Variants in ZNF385D observed in about 807,000 individuals in gnomAD.
ZNF385D encodes zinc finger protein 659.
A neutral mutation model predicts 35.8 loss-of-function variants in ZNF385D; 15 were observed. The observed-to-expected ratio is 0.42, with a 90% CI of 0.28 to 0.64. The LOEUF is 0.64. Ranked by LOEUF, ZNF385D falls within the 30% of genes least tolerant of loss-of-function variation. The pLI is 0.23. For synonymous variants in ZNF385D, 212 were observed against 186.8 expected, an observed-to-expected ratio of 1.13 and a Z score of -1.10; for missense variants, 474 against 494.6, an observed-to-expected ratio of 0.96 and a Z score of 0.39.
intron 3 of ZNF385D, among the ~76,000 whole-genome samples, chr3:21,826,548 C>CT (rs1423775749): frequency 3.3e-5 from 5 of 152,062 alleles, no homozygotes; most frequent in Admixed American, 6.6e-5. Flanking sequence ...AAAGTCATTC[C>CT]TTTTTTTAGA....
chr3:21,436,858 A>G, intron 5 of ZNF385D, 112 bp downstream of exon 5: 1 of 978,052 alleles, frequency 1.0e-6, no homozygotes, highest in South Asian at 1.7e-5. Context: ...TTTCCATGTA[A>G]TAATTGCCAG....
At chr3:22,260,369 G>C (rs1037995561) in intron 2 of ZNF385D, among the ~76,000 whole-genome samples, 6 of 151,916 alleles carry the variant, frequency 3.9e-5, no homozygotes, top group Non-Finnish European at 7.4e-5. Context: ...CAAGGGGAGG[G>C]AGAGCATTAG....
chr3:21,857,165 G>GGA (rs1696764567), intron 3 of ZNF385D, among the ~76,000 whole-genome samples: 1 of 151,994 alleles, frequency 6.6e-6, no homozygotes, highest in East Asian at 1.9e-4. Flanking sequence ...TCACTCTACA[G>GGA]CCCTATCAAA....
chr3:22,328,827 G>A (rs1258502473), intron 2 of ZNF385D, among the ~76,000 whole-genome samples: 2 of 151,630 alleles, frequency 1.3e-5, no homozygotes, highest in African/African-American at 4.8e-5. Context: ...TGTAATCCCA[G>A]CACTTTGGGA....
chr3:21,774,446 A>AAAAAC (rs1173707569), intron 3 of ZNF385D, among the ~76,000 whole-genome samples: 1 of 151,930 alleles, frequency 6.6e-6, no homozygotes, highest in African/African-American at 2.4e-5. Context: ...AGTTGGAATC[A>AAAAAC]AAAACAAAAC....
At chr3:22,372,393 G>A (rs1169770327) in intron 2 of ZNF385D, 2 of 964,134 alleles carry the variant, frequency 2.1e-6, no homozygotes, top group Non-Finnish European at 2.5e-6. Flanking sequence ...TCCTTGCCCG[G>A]CGCCCCAACG....
intron 3 of ZNF385D, among the ~76,000 whole-genome samples, chr3:22,131,869 A>T (rs2201140): frequency 0.04 from 6,073 of 152,112 alleles, 399 homozygotes; most frequent in African/African-American, 0.14. Context: ...TAAGTCAGGG[A>T]AACATAATAT....
At chr3:21,535,862 C>T (rs2062023533) in intron 3 of ZNF385D, among the ~76,000 whole-genome samples, 3 of 151,972 alleles carry the variant, frequency 2.0e-5, no homozygotes, top group Admixed American at 6.6e-5. Context: ...TCCTCTGATA[C>T]CATCCCATCG....
chr3:21,770,644 C>A (rs1343658828), intron 3 of ZNF385D, among the ~76,000 whole-genome samples: 5 of 152,166 alleles, frequency 3.3e-5, no homozygotes, highest in African/African-American at 1.2e-4. Flanking sequence ...GTTGGTGGGA[C>A]TGTAAACTAG....
chr3:21,969,280 C>G (rs772803691), intron 3 of ZNF385D, among the ~76,000 whole-genome samples: 1 of 152,056 alleles, frequency 6.6e-6, no homozygotes, highest in Admixed American at 6.5e-5. Context: ...ATAATCCCCA[C>G]GTGTTAAGGG....
chr3:22,120,515 G>A (rs1464272755), intron 3 of ZNF385D, among the ~76,000 whole-genome samples: 1 of 152,000 alleles, frequency 6.6e-6, no homozygotes, highest in African/African-American at 2.4e-5. Flanking sequence ...TATCTACTTG[G>A]AAGAGACACA....
chr3:21,497,812 G>T (rs1706026255), intron 4 of ZNF385D, among the ~76,000 whole-genome samples: 1 of 152,114 alleles, frequency 6.6e-6, no homozygotes, highest in Admixed American at 6.5e-5. Flanking sequence ...TCATGCCACT[G>T]CACTCCAGCT....
chr3:22,008,372 T>TTTTTTTTTTTGG (rs1696352106), intron 3 of ZNF385D, among the ~76,000 whole-genome samples: 1 of 150,560 alleles, frequency 6.6e-6, no homozygotes, highest in African/African-American at 2.5e-5. Flanking sequence ...TTTTTTTTTT[T>TTTTTTTTTTTGG]GAGGCGGAGT....
At chr3:21,865,617 G>A (rs1697304885) in intron 3 of ZNF385D, among the ~76,000 whole-genome samples, 1 of 152,026 alleles carries the variant, frequency 6.6e-6, no homozygotes, top group South Asian at 2.1e-4. Context: ...AACTTGCTTT[G>A]GGAGAGCAGA....
intron 3 of ZNF385D, among the ~76,000 whole-genome samples, chr3:21,524,300 T>C (rs1421037817): frequency 6.6e-6 from 1 of 152,150 alleles, no homozygotes; most frequent in East Asian, 1.9e-4. Flanking sequence ...CACTGGGAAA[T>C]GTCATTTGAA....
chr3:21,664,211 C>T (rs947835470), intron 2 of ZNF385D, among the ~76,000 whole-genome samples: 2 of 151,460 alleles, frequency 1.3e-5, no homozygotes, highest in Non-Finnish European at 2.9e-5. Flanking sequence ...AAGAAACACA[C>T]GATGGTGAAA....
chr3:21,750,952 A>C lies in ZNF385D; in HGVS notation c.-36T>G. On this transcript the variant is annotated 5_prime_UTR_variant, in exon 1 of 8. Transcript: ENST00000281523. ...GCTGGAATCCCACCGCGGTGTCTTCAGCATCAGCTCTCACCCAAGGCTGGC... is the reference window on the plus strand; with the variant it reads ...GCTGGAATCCCACCGCGGTGTCTTCCGCATCAGCTCTCACCCAAGGCTGGC... 1 of 1,614,012 alleles carries C rather than the reference A, an allele frequency of 6.2e-7. No individual in the cohort carries two copies. Among genetic ancestry groups the C allele is most frequent in the Non-Finnish European group, 8.5e-7 (1 of 1,179,996 alleles).
intron 3 of ZNF385D, among the ~76,000 whole-genome samples, chr3:21,988,868 G>C (rs184766227): frequency 6.6e-6 from 1 of 152,210 alleles, no homozygotes; most frequent in African/African-American, 2.4e-5. Context: ...ATATACTCTC[G>C]TGGTGCGCCG....
rs369520907 is a variant in ZNF385D, at chr3:22,137,119, G to C, written c.325+31698C>G. On this transcript the variant is annotated intron_variant, in intron 3 of 5. Coordinates refer to the ZNF385D transcript ENST00000494108. ...ACTATTACCTAAACTAATATTTGGGGAGCTGCGGTATATAAGATCTTTCTG... is the reference window on the plus strand; with the variant it reads ...ACTATTACCTAAACTAATATTTGGGCAGCTGCGGTATATAAGATCTTTCTG... Among the ~76,000 whole-genome samples, 10 of 152,234 alleles carry C rather than the reference G, an allele frequency of 6.6e-5. 1 individual carries two copies. The highest frequency in any genetic ancestry group is 3.9e-4 in the East Asian group (2 of 5,178).
Sources: gnomAD v4.1 joint callset for allele counts (sites outside exome capture counted in the v4.1 genomes callset) on GRCh38, gnomAD v4.1.1 for gene constraint, MANE v1.5 for transcripts, NCBI Gene and HGNC (gene_info 2026-07-23, HGNC 2026-07-21) for gene names.